The following ITGA6 variants were observed in gnomAD, a reference collection of about 807,000 sequenced individuals.
The protein encoded by ITGA6 is integrin subunit alpha 6.
Under a neutral mutation model 133.6 loss-of-function variants are expected in ITGA6, and 63 were observed. The ratio of observed to expected loss-of-function variants is 0.47; its 90% CI spans 0.38 to 0.58. The LOEUF is 0.58. Among genes scored for constraint, ITGA6 ranks in the 20% least tolerant of loss-of-function variants. The pLI is 0.00. For missense variants in ITGA6, 1,068 were observed against 1,309.4 expected, an observed-to-expected ratio of 0.82 and a Z score of 2.85; for synonymous variants, 434 against 482.0, an observed-to-expected ratio of 0.90 and a Z score of 1.30.
intron 4 of ITGA6, 115 bp from the exon 5 acceptor site, chr2:172,470,859 T>A: frequency 9.7e-7 from 1 of 1,035,972 alleles, no homozygotes; most frequent in South Asian, 1.4e-5. Context: ...CTTTTTTTCC[T>A]CCAAATTTTT....
intron 13 of ITGA6, among the ~76,000 whole-genome samples, chr2:172,485,698 C>T (rs1686636137): frequency 6.6e-6 from 1 of 152,114 alleles, no homozygotes; most frequent in African/African-American, 2.4e-5. Context: ...TATTAGCATA[C>T]AGTAGTCATT....
rs540282798 is a variant in ITGA6 at position 172,444,388 on chromosome 2, T to A, written c.182+16418T>A. ...AGTTGCTAAAATATTGAAATAACTT[T>A]CATTCTGGTTGGTGCACGTTGAGTA... On this transcript the variant is annotated intron_variant, in intron 1 of 25. Coordinates refer to ENST00000684293, the MANE Select transcript of ITGA6 (RefSeq NM_000210.4). Among the ~76,000 whole-genome samples the A allele has an allele frequency of 7.2e-5, 11 of 152,280 alleles. No individual in the cohort carries two copies. The South Asian group carries it at 2.3e-3, about 32-fold the overall frequency.
chr2:172,490,996 G>T, intron 20 of ITGA6, 28 bp from the exon 21 acceptor site: 1 of 1,082,284 alleles, frequency 9.2e-7, no homozygotes, highest in South Asian at 1.3e-5. Context: ...ACATAAATTG[G>T]AACTATTTTG....
intron 1 of ITGA6, among the ~76,000 whole-genome samples, chr2:172,448,148 A>G (rs1456766402): frequency 1.3e-5 from 2 of 152,186 alleles, no homozygotes; most frequent in African/African-American, 4.8e-5. Context: ...CCAGGATAAA[A>G]TTGCTGGTCT....
chr2:172,447,283 T>C (rs968722167), intron 1 of ITGA6, among the ~76,000 whole-genome samples: 1 of 152,074 alleles, frequency 6.6e-6, no homozygotes, highest in Non-Finnish European at 1.5e-5. Flanking sequence ...TGCAGTGGTG[T>C]GATCTCCGCC....
At chr2:172,442,412 C>T (rs1196666068) in intron 1 of ITGA6, among the ~76,000 whole-genome samples, 3 of 152,194 alleles carry the variant, frequency 2.0e-5, no homozygotes, top group Non-Finnish European at 2.9e-5. Flanking sequence ...AGGACAGATT[C>T]AGTCCTTTCT....
At chr2:172,492,699 G>C (rs1194053328) in intron 23 of ITGA6, among the ~76,000 whole-genome samples, 1 of 152,118 alleles carries the variant, frequency 6.6e-6, no homozygotes, top group Non-Finnish European at 1.5e-5. Context: ...ATGTCATGGT[G>C]GGAATAATGA....
Position 172,467,569 on chromosome 2 carries a change from A to G in ITGA6, c.387+9A>G, listed in dbSNP as rs1362166732. 1 of 1,606,710 alleles carries G rather than the reference A, an allele frequency of 6.2e-7. No homozygotes were observed. The highest frequency in any genetic ancestry group is 1.7e-5 in the Admixed American group (1 of 59,992). ...CAGGGGGCAAGGTCGTGGTAAGTGT[A>G]GAGACACATGTTCATCCTATACTGT... On this transcript the variant is annotated intron_variant, in intron 3 of 25. Transcript: ENST00000684293.
In ITGA6 at chr2:172,474,145, T is replaced by C. The variant is rs1686061840; in HGVS notation, c.866T>C (p.Val289Ala). 1 of 1,613,888 alleles carries C rather than the reference T, an allele frequency of 6.2e-7. No individual in the cohort carries two copies. Among genetic ancestry groups the C allele is most frequent in the African/African-American group, 1.3e-5 (1 of 74,906 alleles). Residue 289 changes from valine to alanine, a missense_variant, in exon 6 of 26, where the codon GTG becomes GCG. By Grantham distance (64) the Val-to-Ala change is moderately conservative (BLOSUM62 0). Coordinates refer to ENST00000684293, the MANE Select transcript of ITGA6 (RefSeq NM_000210.4). ...GAPRANHSGA[V>A]VLLKRDMKSA... Reference sequence around the variant, plus strand: ...CCCAGAGCCAATCACAGTGGAGCCGTGGTTTTGCTGAAGAGAGACATGAAG... The same window carrying C: ...CCCAGAGCCAATCACAGTGGAGCCGCGGTTTTGCTGAAGAGAGACATGAAG...
chr2:172,489,447 A>T, intron 19 of ITGA6, 38 bp from the exon 20 acceptor site: 4 of 1,487,398 alleles, frequency 2.7e-6, no homozygotes, highest in Non-Finnish European at 3.8e-6. Context: ...TTACATTGAG[A>T]AGATTAGACT....
intron 24 of ITGA6, among the ~76,000 whole-genome samples, chr2:172,498,981 A>G (rs566204854): frequency 2.0e-5 from 3 of 152,332 alleles, no homozygotes; most frequent in Admixed American, 2.0e-4. Flanking sequence ...TTAGGTATGC[A>G]GTGCATTACT....
chr2:172,487,933 A>C (rs568286030), intron 17 of ITGA6, 28 bp from the exon 18 acceptor site: 1 of 1,599,864 alleles, frequency 6.3e-7, no homozygotes, highest in Non-Finnish European at 8.6e-7. Flanking sequence ...GGTAAAATAC[A>C]ACCCTATTGT....
chr2:172,477,152 C>T (rs1420966336), intron 9 of ITGA6, among the ~76,000 whole-genome samples: 4 of 151,914 alleles, frequency 2.6e-5, no homozygotes, highest in Non-Finnish European at 5.9e-5. Flanking sequence ...AACATTCTTA[C>T]TTTTGTTTAT....
chr2:172,432,914 A>G (rs1684163377), intron 1 of ITGA6, among the ~76,000 whole-genome samples: 1 of 152,206 alleles, frequency 6.6e-6, no homozygotes, highest in Admixed American at 6.5e-5. Context: ...GTGTGAAGTC[A>G]CTTGTGAATT....
chr2:172,463,852 C>A (rs989967908), intron 1 of ITGA6, among the ~76,000 whole-genome samples: 2 of 152,190 alleles, frequency 1.3e-5, no homozygotes, highest in Admixed American at 1.3e-4. Context: ...CAGTTCACCT[C>A]CCAGGTACTT....
chr2:172,492,516 C>A (rs1686966279), intron 23 of ITGA6, among the ~76,000 whole-genome samples: 1 of 152,208 alleles, frequency 6.6e-6, no homozygotes, highest in African/African-American at 2.4e-5. Flanking sequence ...CTTTCTATCC[C>A]TGAAAGTTTT....
At chr2:172,446,818 G>C (rs1026767183) in intron 1 of ITGA6, among the ~76,000 whole-genome samples, 1 of 152,204 alleles carries the variant, frequency 6.6e-6, no homozygotes, top group African/African-American at 2.4e-5. Context: ...GCAGTAGACA[G>C]TGTTTTATTG....
intron 1 of ITGA6, among the ~76,000 whole-genome samples, chr2:172,454,724 A>G (rs1685144751): frequency 6.6e-6 from 1 of 152,172 alleles, no homozygotes; most frequent in Non-Finnish European, 1.5e-5. Context: ...TTGCAGAAGG[A>G]ATCAACGTTG....
Position 172,428,953 on chromosome 2 carries a change from A to G in ITGA6, c.182+983A>G, listed in dbSNP as rs144913348. Among the ~76,000 whole-genome samples the G allele has an allele frequency of 3.9e-3, 593 of 152,246 alleles. 3 individuals carry two copies. Among genetic ancestry groups the G allele is most frequent in the African/African-American group, 0.014 (575 of 41,544 alleles). ...GCATTCTTCATCTGTGCTACTGAAA[A>G]ATAGGCTGTAGCAACAAAAGGTCTC... On this transcript the variant is annotated intron_variant, in intron 1 of 25. Coordinates refer to ENST00000684293, the MANE Select transcript of ITGA6 (RefSeq NM_000210.4).
Sources: gnomAD v4.1 joint callset for allele counts (sites outside exome capture counted in the v4.1 genomes callset) on GRCh38, gnomAD v4.1.1 for gene constraint, MANE v1.5 for transcripts, NCBI Gene and HGNC (gene_info 2026-07-23, HGNC 2026-07-21) for gene names.